AKAP10: variants seen among roughly 807,000 people sequenced by gnomAD.
The protein encoded by AKAP10 is A-kinase anchoring protein 10.
A neutral mutation model predicts 80.8 loss-of-function variants in AKAP10; 24 were observed. That is an observed-to-expected ratio of 0.30 (90% confidence interval 0.22 to 0.42). The LOEUF (loss-of-function observed/expected upper bound fraction) is 0.42, where lower values mean the gene tolerates loss of function less well. Ranked by LOEUF, AKAP10 falls within the 10% of genes least tolerant of loss-of-function variation. The pLI, the probability that AKAP10 is intolerant of heterozygous loss-of-function variation, is 1.00. For missense variants in AKAP10, 661 were observed against 794.9 expected (o/e 0.83, Z 2.03); for synonymous variants, 291 against 277.7 (o/e 1.05, Z -0.48).
At chr17:19,907,014 GTTTT>G (rs35907139) in intron 14 of AKAP10, among the ~76,000 whole-genome samples, 5 of 149,210 alleles carry the variant, frequency 3.4e-5, no homozygotes, top group Non-Finnish European at 5.9e-5. Context: ...CGAGTCTACT[GTTTT>G]TTTTTGTTTT....
chr17:19,949,745 TA>T (rs2043177258), intron 4 of AKAP10, among the ~76,000 whole-genome samples: 2 of 131,704 alleles, frequency 1.5e-5, no homozygotes, highest in South Asian at 4.8e-4. Context: ...TCCAGCCTGG[TA>T]ACAGAAAGAG....
At chr17:19,930,227 A>G (rs2042917882) in intron 10 of AKAP10, among the ~76,000 whole-genome samples, 1 of 152,124 alleles carries the variant, frequency 6.6e-6, no homozygotes, top group Admixed American at 6.6e-5. Context: ...GTAATTAGAA[A>G]ATTATTATGC....
At position 19,924,514 on chromosome 17, in the gene AKAP10, T is replaced by C. The variant is rs151139687; in HGVS notation, c.1645A>G (p.Ser549Gly). ...GSSDSSASQS[S>G]VKKASIKILK... is the part of the protein sequence containing the mutation. ...ATTTTAATACTGGCTTTTTTCACACTGGACTACAATAGAAATTGTAAAATT... is the reference window on the plus strand; with the variant it reads ...ATTTTAATACTGGCTTTTTTCACACCGGACTACAATAGAAATTGTAAAATT... Residue 549 changes from serine (S) to glycine (G), a missense_variant, in exon 11 of 15, where the codon AGT (serine) becomes GGT (glycine). Transcript: ENST00000225737. 457 of 1,584,374 alleles carry C rather than the reference T, an allele frequency of 2.9e-4. No individual in the cohort carries two copies. The African/African-American group carries it at 5.5e-3, about 19-fold the overall frequency.
Position 19,931,914 on chromosome 17 carries a change from G to A in AKAP10, c.1532C>T (p.Ser511Leu), listed in dbSNP as rs920251209. 36 of 1,613,916 alleles carry A rather than the reference G, an allele frequency of 2.2e-5. No homozygotes were observed. Among genetic ancestry groups the A allele is most frequent in the Non-Finnish European group, 2.8e-5 (33 of 1,180,002 alleles). ...GCCCAGAAATTCATCTCCTCGAACC[G>A]AATGGATGAGATCATTCAAATATTT... Reference protein sequence around the residue: ...YYKYLNDLIHSVRGDEFLGGN... With the variant: ...YYKYLNDLIHLVRGDEFLGGN... Residue 511 changes from serine (S) to leucine (L), a missense_variant, in exon 10 of 15, where the codon TCG becomes TTG. Ser to Leu is a moderately radical substitution (Grantham distance 145). Coordinates refer to ENST00000225737, the MANE Select transcript of AKAP10 (RefSeq NM_007202.4).
At chr17:19,971,813 C>T (rs2152419762) in intron 1 of AKAP10, among the ~76,000 whole-genome samples, 1 of 152,288 alleles carries the variant, frequency 6.6e-6, no homozygotes, top group African/African-American at 2.4e-5. Context: ...TGCTAGGTAA[C>T]AAATTATGTG....
At chr17:19,972,491 T>C (rs948258791) in intron 1 of AKAP10, among the ~76,000 whole-genome samples, 20 of 152,224 alleles carry the variant, frequency 1.3e-4, no homozygotes, top group Non-Finnish European at 4.4e-5. Flanking sequence ...AATCTCACTC[T>C]GTCGCCCAGG....
At chr17:19,952,630 C>T (rs1020165337) in intron 4 of AKAP10, among the ~76,000 whole-genome samples, 39 of 151,984 alleles carry the variant, frequency 2.6e-4, no homozygotes, top group African/African-American at 8.5e-4. Context: ...GCTGCAGTGT[C>T]TATATAAATT....
chr17:19,968,281 CAAAATCATAA>C (rs542075670), intron 2 of AKAP10, 123 bp downstream of exon 2: 300 of 513,906 alleles, frequency 5.8e-4, no homozygotes, highest in African/African-American at 5.5e-3. Flanking sequence ...GGAAATAAAT[CAAAATCATAA>C]GTAATTATAA....
chr17:19,935,522 CTG>C lies in AKAP10; in HGVS notation c.1467+762_1467+763del, dbSNP rs1264999237. ...TTTTACTTTTTTTAGCTTTTTGACT[CTG>C]TTGTCATAACAGCTTAAAACACAAA... is the stretch of plus-strand genomic sequence containing the variant. On this transcript the variant is annotated intron_variant, in intron 9 of 14. Coordinates refer to ENST00000225737, the MANE Select transcript of AKAP10 (RefSeq NM_007202.4). Among the ~76,000 whole-genome samples, 7 of 152,160 alleles carry C rather than the reference CTG, an allele frequency of 4.6e-5. No individual in the cohort carries two copies. The East Asian group carries it at 7.7e-4, about 17-fold the overall frequency.
rs759322488 is a variant in AKAP10, at chr17:19,931,818, C to T, written c.1628G>A (p.Ser543Asn). The T allele has an allele frequency of 1.2e-5, 19 of 1,613,314 alleles. No individual in the cohort carries two copies. In the South Asian group the frequency reaches 2.0e-4, roughly 17 times the overall value. ...ATCAGTCAATACCTGAGACGCAGAGCTGTCAGAACTCCCTGGGTGAGACTC... is the reference window on the plus strand; with the variant it reads ...ATCAGTCAATACCTGAGACGCAGAGTTGTCAGAACTCCCTGGGTGAGACTC... The part of the protein sequence containing the change: ...PDESHPGSSD[S>N]SASQSSVKKA... Residue 543 changes from serine (S) to asparagine (N), a missense_variant, in exon 10 of 15, where the codon AGC (serine) becomes AAC (asparagine). Ser to Asn is a conservative substitution (Grantham distance 46, BLOSUM62 1). Transcript: ENST00000225737.
chr17:19,909,834 T>C (rs1216276095), intron 13 of AKAP10, 92 bp downstream of exon 13: 9 of 1,098,654 alleles, frequency 8.2e-6, no homozygotes, highest in African/African-American at 4.7e-5. Context: ...TGCTTAAACA[T>C]GGGACCTAAA....
intron 1 of AKAP10, among the ~76,000 whole-genome samples, chr17:19,977,374 C>A (rs1319065760): frequency 1.3e-5 from 2 of 152,248 alleles, no homozygotes; most frequent in Non-Finnish European, 2.9e-5. Flanking sequence ...CGCTTCTGAA[C>A]CAGCGCGACA....
intron 11 of AKAP10, among the ~76,000 whole-genome samples, chr17:19,920,730 C>A (rs1437967343): frequency 6.6e-6 from 1 of 151,702 alleles, no homozygotes; most frequent in Non-Finnish European, 1.5e-5. Context: ...GTAATCCCAG[C>A]TACTTGGGAG....
chr17:19,955,754 G>C (rs1047902455), intron 4 of AKAP10, among the ~76,000 whole-genome samples: 1 of 152,012 alleles, frequency 6.6e-6, no homozygotes, highest in South Asian at 2.1e-4. Flanking sequence ...AGAATCGCTT[G>C]AACCCGGGAG....
intron 4 of AKAP10, among the ~76,000 whole-genome samples, chr17:19,948,640 A>T (rs1364537923): frequency 6.6e-6 from 1 of 152,138 alleles, no homozygotes; most frequent in Non-Finnish European, 1.5e-5. Flanking sequence ...CTAGCCAGAC[A>T]ACAGGAAAGG....
At chr17:19,926,645 G>T (rs936400051) in intron 10 of AKAP10, among the ~76,000 whole-genome samples, 16 of 152,088 alleles carry the variant, frequency 1.1e-4, no homozygotes. Context: ...ATCTGAAAAT[G>T]AAATTAAGAA....
intron 4 of AKAP10, among the ~76,000 whole-genome samples, chr17:19,948,460 T>G (rs1306130159): frequency 5.3e-5 from 8 of 152,062 alleles, no homozygotes; most frequent in Admixed American, 3.3e-4. Flanking sequence ...TTTCTCTCCT[T>G]CGACTCCCAG....
At chr17:19,968,954 G>C (rs559170087) in intron 1 of AKAP10, among the ~76,000 whole-genome samples, 1 of 152,196 alleles carries the variant, frequency 6.6e-6, no homozygotes, top group Non-Finnish European at 1.5e-5. Flanking sequence ...TAGAAGCATA[G>C]TGAAGAAAGG....
At chr17:19,926,027 T>TA (rs1427688158) in intron 10 of AKAP10, among the ~76,000 whole-genome samples, 1 of 152,178 alleles carries the variant, frequency 6.6e-6, no homozygotes, top group Admixed American at 6.5e-5. Flanking sequence ...TCATTTCTGA[T>TA]AGAGTGTAAA....
Sources: gnomAD v4.1 joint callset for allele counts (sites outside exome capture counted in the v4.1 genomes callset) on GRCh38, gnomAD v4.1.1 for gene constraint, MANE v1.5 for transcripts, NCBI Gene and HGNC (gene_info 2026-07-23, HGNC 2026-07-21) for gene names.